HEMK2: variants seen among roughly 807,000 people sequenced by gnomAD.
HEMK2 encodes methyltransferase HEMK2.
chr21:28,790,411 A>G, the HEMK2 span, among the ~76,000 whole-genome samples: 3 of 152,200 alleles, frequency 2.0e-5, no homozygotes, highest in Non-Finnish European at 2.9e-5. Flanking sequence ...TCAAGCATCA[A>G]GCGTCTTGCA....
the HEMK2 span, among the ~76,000 whole-genome samples, chr21:28,747,902 T>G: frequency 6.6e-6 from 1 of 152,188 alleles, no homozygotes; most frequent in Admixed American, 6.5e-5. Flanking sequence ...CAGAGAGAGA[T>G]AGGGTATCTC....
chr21:28,609,827 G>C, the HEMK2 span, among the ~76,000 whole-genome samples: 1 of 152,074 alleles, frequency 6.6e-6, no homozygotes, highest in African/African-American at 2.4e-5. Flanking sequence ...AGAGCTCAAA[G>C]ACAGGGCTTT....
chr21:28,623,493 C>T, the HEMK2 span, among the ~76,000 whole-genome samples: 2 of 152,144 alleles, frequency 1.3e-5, no homozygotes, highest in African/African-American at 4.8e-5. Flanking sequence ...GGTGTATACC[C>T]AAAGGATTGC....
chr21:28,859,179 C>G, the HEMK2 span, among the ~76,000 whole-genome samples: 1 of 152,276 alleles, frequency 6.6e-6, no homozygotes, highest in Admixed American at 6.5e-5. Context: ...TGTATCTCGT[C>G]TCATCAGTAA....
the HEMK2 span, among the ~76,000 whole-genome samples, chr21:28,769,192 G>A: frequency 6.6e-6 from 1 of 151,982 alleles, no homozygotes; most frequent in Non-Finnish European, 1.5e-5. Context: ...GGGATCTTAG[G>A]CCCACCTGGG....
the HEMK2 span, among the ~76,000 whole-genome samples, chr21:28,613,916 T>G: frequency 0.015 from 2,046 of 135,810 alleles, 46 homozygotes; most frequent in African/African-American, 0.054. Flanking sequence ...GTGCACTTTC[T>G]TCAGGGAAAA....
At chr21:28,707,493 T>C in the HEMK2 span, among the ~76,000 whole-genome samples, 1 of 152,064 alleles carries the variant, frequency 6.6e-6, no homozygotes. Context: ...TTGCCTCAAG[T>C]AATCCACCTG....
At chr21:28,579,674 T>G in the HEMK2 span, among the ~76,000 whole-genome samples, 1 of 152,214 alleles carries the variant, frequency 6.6e-6, no homozygotes, top group Non-Finnish European at 1.5e-5. Flanking sequence ...ATGACCCATG[T>G]CAAGGCAGTG....
At chr21:28,682,268 A>T in the HEMK2 span, among the ~76,000 whole-genome samples, 1 of 152,260 alleles carries the variant, frequency 6.6e-6, no homozygotes, top group African/African-American at 2.4e-5. Flanking sequence ...TCTCAAAAGA[A>T]GACATTTGTG....
the HEMK2 span, among the ~76,000 whole-genome samples, chr21:28,748,130 G>A: frequency 1.1e-4 from 16 of 152,192 alleles, no homozygotes; most frequent in Non-Finnish European, 1.6e-4. Flanking sequence ...AGAGGGACAG[G>A]AGCAAGGGCT....
At chr21:28,785,948 T>C in the HEMK2 span, among the ~76,000 whole-genome samples, 1 of 152,370 alleles carries the variant, frequency 6.6e-6, no homozygotes, top group East Asian at 1.9e-4. Context: ...ACTTTAAAAG[T>C]GAATTTTAAG....
chr21:28,591,749 T>G, the HEMK2 span, among the ~76,000 whole-genome samples: 1 of 152,134 alleles, frequency 6.6e-6, no homozygotes, highest in Non-Finnish European at 1.5e-5. Flanking sequence ...CCCCTATATT[T>G]GCCCATGAGT....
chr21:28,619,611 A>C, the HEMK2 span, among the ~76,000 whole-genome samples: 2 of 152,188 alleles, frequency 1.3e-5, no homozygotes, highest in Non-Finnish European at 2.9e-5. Flanking sequence ...TCTTCATTTT[A>C]TTTCTGCTCT....
At chr21:28,637,709 G>A in the HEMK2 span, among the ~76,000 whole-genome samples, 1 of 152,136 alleles carries the variant, frequency 6.6e-6, no homozygotes, top group Non-Finnish European at 1.5e-5. Flanking sequence ...AATTTCTCTA[G>A]GAAGCCAAGC....
At chr21:28,672,672 T>C in the HEMK2 span, among the ~76,000 whole-genome samples, 220 of 152,218 alleles carry the variant, frequency 1.4e-3, 1 homozygote, top group Admixed American at 3.4e-3. Context: ...AAGACAATGG[T>C]TTAAGGTGGT....
the HEMK2 span, among the ~76,000 whole-genome samples, chr21:28,801,813 T>C: frequency 1.3e-5 from 2 of 152,132 alleles, no homozygotes; most frequent in Non-Finnish European, 2.9e-5. Flanking sequence ...TCAATAACAC[T>C]TATAAGAAGA....
At chr21:28,607,989 G>T in the HEMK2 span, among the ~76,000 whole-genome samples, 1 of 152,096 alleles carries the variant, frequency 6.6e-6, no homozygotes, top group African/African-American at 2.4e-5. Flanking sequence ...GAACAACTTT[G>T]CCCCATGTTT....
At chr21:28,650,134 C>T in the HEMK2 span, among the ~76,000 whole-genome samples, 3 of 152,172 alleles carry the variant, frequency 2.0e-5, no homozygotes, top group African/African-American at 7.2e-5. Context: ...CGGTGGCTCA[C>T]GCCTGTAATC....
At chr21:28,712,071 G>A in the HEMK2 span, among the ~76,000 whole-genome samples, 1 of 152,120 alleles carries the variant, frequency 6.6e-6, no homozygotes, top group Non-Finnish European at 1.5e-5. Context: ...AGGAATATTG[G>A]AAGGACACAA....
Sources: gnomAD v4.1 joint callset for allele counts (sites outside exome capture counted in the v4.1 genomes callset) on GRCh38, gnomAD v4.1.1 for gene constraint, MANE v1.5 for transcripts, NCBI Gene and HGNC (gene_info 2026-07-23, HGNC 2026-07-21) for gene names.